Variants in SP2 observed in about 807,000 individuals in gnomAD.
The protein encoded by SP2 is Sp2 transcription factor, also known as transcription factor Sp2.
A neutral mutation model predicts 50.1 loss-of-function variants in SP2; 9 were observed. The ratio of observed to expected loss-of-function variants is 0.18; its 90% CI spans 0.11 to 0.31. The LOEUF is 0.31. Among genes scored for constraint, SP2 ranks in the 10% least tolerant of loss-of-function variants. The pLI is 1.00. For synonymous variants in SP2, 313 were observed against 326.6 expected, an observed-to-expected ratio of 0.96 and a Z score of 0.45; for missense variants, 581 against 806.5, an observed-to-expected ratio of 0.72 and a Z score of 3.39.
intron 4 of SP2, among the ~76,000 whole-genome samples, 173 bp from the exon 5 acceptor site, chr17:47,924,746 T>C (rs1223037041): frequency 6.6e-6 from 1 of 152,198 alleles, no homozygotes; most frequent in African/African-American, 2.4e-5. Flanking sequence ...TATAGGGTCA[T>C]GGAGATTAAA....
intron 1 of SP2, among the ~76,000 whole-genome samples, chr17:47,902,903 G>C (rs1054462244): frequency 6.6e-6 from 1 of 152,180 alleles, no homozygotes; most frequent in Non-Finnish European, 1.5e-5. Context: ...TTACAGGCGG[G>C]CACCACCACG....
chr17:47,899,257 C>T (rs564328703), intron 1 of SP2: 1 of 152,326 alleles, frequency 6.6e-6, no homozygotes, highest in East Asian at 1.9e-4. Context: ...GCAGCATTCT[C>T]TTAGGAGACC....
intron 6 of SP2, among the ~76,000 whole-genome samples, chr17:47,926,493 T>G (rs36124074): frequency 0.48 from 72,476 of 151,668 alleles, 17,586 homozygotes; most frequent in East Asian, 0.76. Context: ...TAAAATTTTT[T>G]TAGAGACAGG....
intron 4 of SP2, among the ~76,000 whole-genome samples, chr17:47,923,859 G>A (rs1335392638): frequency 6.6e-6 from 1 of 151,706 alleles, no homozygotes; most frequent in Non-Finnish European, 1.5e-5. Context: ...CCACCACCAC[G>A]CCCGACTAAT....
intron 1 of SP2, among the ~76,000 whole-genome samples, chr17:47,913,058 AC>A (rs1314421199): frequency 1.4e-5 from 2 of 147,620 alleles, no homozygotes; most frequent in East Asian, 4.1e-4. Flanking sequence ...ATGGGGTTTC[AC>A]CATGTTGCCC....
At chr17:47,910,092 A>G (rs924837092) in intron 1 of SP2, among the ~76,000 whole-genome samples, 2 of 151,358 alleles carry the variant, frequency 1.3e-5, no homozygotes, top group Non-Finnish European at 3.0e-5. Context: ...ACCTGCCTCA[A>G]CCTCCCAAAG....
chr17:47,920,141 C>T lies in SP2; in HGVS notation c.1060-2821C>T, dbSNP rs572511546. Among the ~76,000 whole-genome samples, 10 of 151,832 alleles carry T rather than the reference C, an allele frequency of 6.6e-5. No individual in the cohort carries two copies. The East Asian group carries it at 1.4e-3, about 21-fold the overall frequency. ...TTGGCCATTGGCAGCTCTTTCAGGT[C>T]GGCTCTTTTTTTCTCTTTGGCCATT... On this transcript the variant is annotated intron_variant, in intron 3 of 6. Coordinates refer to ENST00000376741, the MANE Select transcript of SP2 (RefSeq NM_003110.6).
chr17:47,922,073 G>A (rs75424283), intron 3 of SP2, among the ~76,000 whole-genome samples: 3,495 of 152,172 alleles, frequency 0.023, 125 homozygotes, highest in African/African-American at 0.08. Context: ...ACAGTGTTCC[G>A]TCTAGCCTTC....
At chr17:47,903,840 T>C (rs1180182193) in intron 1 of SP2, among the ~76,000 whole-genome samples, 1 of 151,904 alleles carries the variant, frequency 6.6e-6, no homozygotes, top group Non-Finnish European at 1.5e-5. Context: ...GGCACACGCC[T>C]GTATTCCCAG....
chr17:47,919,876 G>T (rs183018502), intron 3 of SP2, among the ~76,000 whole-genome samples: 125 of 117,664 alleles, frequency 1.1e-3, no homozygotes, highest in African/African-American at 4.0e-3. Context: ...GTCTCGTTCT[G>T]TCACCAGGCT....
intron 3 of SP2, among the ~76,000 whole-genome samples, chr17:47,918,153 G>A (rs1009839041): frequency 1.3e-5 from 2 of 151,588 alleles, no homozygotes; most frequent in Non-Finnish European, 2.9e-5. Context: ...TCCTGCCATC[G>A]AGGAATGTAT....
At chr17:47,896,969 CT>C (rs1403001902) in intron 1 of SP2, among the ~76,000 whole-genome samples, 1 of 152,242 alleles carries the variant, frequency 6.6e-6, no homozygotes, top group Non-Finnish European at 1.5e-5. Context: ...GATCCTTGAT[CT>C]TCCAGCTAGA....
At chr17:47,922,621 A>G (rs2035503754) in intron 3 of SP2, among the ~76,000 whole-genome samples, 1 of 152,048 alleles carries the variant, frequency 6.6e-6, no homozygotes, top group Non-Finnish European at 1.5e-5. Context: ...GGGCTCTAAA[A>G]TGTGGCTCTT....
chr17:47,908,470 G>A (rs1416688767), intron 1 of SP2: 1 of 151,974 alleles, frequency 6.6e-6, no homozygotes, highest in Non-Finnish European at 1.5e-5. Flanking sequence ...AACTCATCTT[G>A]TATTTTTATC....
intron 1 of SP2, among the ~76,000 whole-genome samples, chr17:47,911,387 C>CA (rs1307104124): frequency 1.4e-4 from 21 of 147,930 alleles, no homozygotes; most frequent in Admixed American, 5.4e-4. Flanking sequence ...ACTAAAAATA[C>CA]AAAAAAAATT....
intron 1 of SP2, chr17:47,900,379 C>T (rs933615474): frequency 6.6e-6 from 1 of 152,206 alleles, no homozygotes; most frequent in Non-Finnish European, 1.5e-5. Flanking sequence ...TTAGATCAGC[C>T]TAGAAGAAAA....
intron 1 of SP2, among the ~76,000 whole-genome samples, chr17:47,912,514 G>T (rs574916807): frequency 1.7e-4 from 25 of 147,644 alleles, no homozygotes; most frequent in Non-Finnish European, 3.1e-4. Flanking sequence ...GTGTGATCAC[G>T]ACTCACTGTA....
At chr17:47,911,012 G>A (rs918591752) in intron 1 of SP2, among the ~76,000 whole-genome samples, 1 of 151,940 alleles carries the variant, frequency 6.6e-6, no homozygotes, top group Non-Finnish European at 1.5e-5. Flanking sequence ...GATTGCTTGA[G>A]CCCAGGAGTT....
intron 1 of SP2, among the ~76,000 whole-genome samples, chr17:47,910,788 A>C (rs2034951336): frequency 6.6e-6 from 1 of 152,214 alleles, no homozygotes; most frequent in Non-Finnish European, 1.5e-5. Flanking sequence ...CTTTGCACAG[A>C]TGTATCGTGA....
Sources: gnomAD v4.1 joint callset for allele counts (sites outside exome capture counted in the v4.1 genomes callset) on GRCh38, gnomAD v4.1.1 for gene constraint, MANE v1.5 for transcripts, NCBI Gene and HGNC (gene_info 2026-07-23, HGNC 2026-07-21) for gene names.